Variants in AP3B1 observed in about 807,000 individuals in gnomAD.
The protein encoded by AP3B1 is AP-3 complex subunit beta-1.
A neutral mutation model predicts 132.5 loss-of-function variants in AP3B1; 61 were observed. The observed-to-expected ratio is 0.46, with a 90% confidence interval of 0.37 to 0.57. The LOEUF is 0.57. Ranked by LOEUF, AP3B1 falls within the 20% of genes least tolerant of loss-of-function variation. The pLI, the probability that AP3B1 is intolerant of heterozygous loss-of-function variation, is 0.00. For synonymous variants in AP3B1, 388 were observed against 438.3 expected (o/e 0.89, Z 1.43); for missense variants, 1,120 against 1,289.4 (o/e 0.87, Z 2.01).
intron 26 of AP3B1, among the ~76,000 whole-genome samples, chr5:78,014,979 C>T (rs79406196): frequency 0.034 from 5,170 of 152,234 alleles, 290 homozygotes; most frequent in African/African-American, 0.12. Flanking sequence ...GAAGCAGTCT[C>T]AGGGGATGGC....
chr5:78,063,586 T>C (rs560955589), intron 22 of AP3B1, among the ~76,000 whole-genome samples: 1 of 152,336 alleles, frequency 6.6e-6, no homozygotes, highest in Admixed American at 6.5e-5. Flanking sequence ...CTATGACACA[T>C]GGTAAATATT....
chr5:78,193,943 A>G (rs980179415), intron 7 of AP3B1, among the ~76,000 whole-genome samples: 2 of 150,796 alleles, frequency 1.3e-5, no homozygotes, highest in African/African-American at 4.9e-5. Flanking sequence ...AATTTTTTGT[A>G]TTTTTAGTAG....
chr5:78,165,679 T>A lies in AP3B1; in HGVS notation c.1168-7A>T. 1 of 1,579,574 alleles carries A rather than the reference T, an allele frequency of 6.3e-7. No individual in the cohort carries two copies. The highest frequency in any genetic ancestry group is 8.7e-7 in the Non-Finnish European group (1 of 1,150,876). On this transcript the variant is annotated splice_polypyrimidine_tract_variant and splice_region_variant and intron_variant, in intron 11 of 26. Coordinates refer to ENST00000255194, the MANE Select transcript of AP3B1 (RefSeq NM_003664.5). Reference sequence around the variant, plus strand: ...AGTTTGTCAAAATTTCAAGCTATAGTAGAGAAAAGAGAAAGTAAACATTTT... The same window carrying A: ...AGTTTGTCAAAATTTCAAGCTATAGAAGAGAAAAGAGAAAGTAAACATTTT...
chr5:78,122,731 T>C (rs1261775566), intron 17 of AP3B1, among the ~76,000 whole-genome samples: 3 of 152,228 alleles, frequency 2.0e-5, no homozygotes, highest in South Asian at 2.1e-4. Context: ...TCCATGCTCA[T>C]GGGTAGGAAG....
chr5:78,077,520 C>G (rs1369638401), intron 22 of AP3B1, among the ~76,000 whole-genome samples: 1 of 152,152 alleles, frequency 6.6e-6, no homozygotes, highest in Non-Finnish European at 1.5e-5. Flanking sequence ...GTTAAGGAAT[C>G]ATTACTACAA....
chr5:78,025,440 A>G (rs1463243837), intron 24 of AP3B1, among the ~76,000 whole-genome samples: 3 of 152,218 alleles, frequency 2.0e-5, no homozygotes, highest in Non-Finnish European at 2.9e-5. Flanking sequence ...TAGAGAGCCC[A>G]ACTGAAACAT....
At chr5:78,232,105 T>C (rs1746672423) in intron 3 of AP3B1, among the ~76,000 whole-genome samples, 2 of 152,202 alleles carry the variant, frequency 1.3e-5, no homozygotes, top group Non-Finnish European at 2.9e-5. Flanking sequence ...ATAAAGATAT[T>C]TCACGATAGG....
At chr5:78,086,554 T>C (rs530283408) in intron 22 of AP3B1, among the ~76,000 whole-genome samples, 124 of 152,314 alleles carry the variant, frequency 8.1e-4, no homozygotes, top group African/African-American at 2.9e-3. Context: ...CCTGTGGTTT[T>C]CACTGCTACA....
chr5:78,083,250 T>G (rs758591226), intron 22 of AP3B1, among the ~76,000 whole-genome samples: 14 of 152,166 alleles, frequency 9.2e-5, no homozygotes, highest in Non-Finnish European at 1.9e-4. Flanking sequence ...AAAGGATGAG[T>G]CAAGGTTTCA....
intron 20 of AP3B1, 121 bp downstream of exon 20, chr5:78,110,086 T>G: frequency 2.3e-6 from 2 of 884,008 alleles, no homozygotes; most frequent in Non-Finnish European, 3.5e-6. Context: ...CAGAGTTGGG[T>G]TATAAGGGAA....
chr5:78,069,950 A>T (rs1749464934), intron 22 of AP3B1, among the ~76,000 whole-genome samples: 1 of 152,298 alleles, frequency 6.6e-6, no homozygotes, highest in Middle Eastern at 3.4e-3. Flanking sequence ...AAGACCATAA[A>T]TCTACAACCA....
chr5:78,002,797 C>T lies in AP3B1; in HGVS notation c.*105G>A, dbSNP rs929044217. The T allele has an allele frequency of 9.4e-6, 12 of 1,277,148 alleles. No individual in the cohort carries two copies. In the African/African-American group the frequency reaches 1.6e-4, roughly 17 times the overall value. The allele number at this position is 1,277,148 out of a possible 1,614,324, so 79.1% of individuals were successfully genotyped here. A position where few individuals can be genotyped will look rare whatever the true frequency, so the allele number is the denominator to read the frequency against. ...CAAGAATGTCAAGAGTGTATTCTAC[C>T]CCCACTGCCAGATGGAAGGGCTATT... On this transcript the variant is annotated 3_prime_UTR_variant, in exon 27 of 27. Transcript: ENST00000255194.
At chr5:78,045,083 T>A (rs901938187) in intron 22 of AP3B1, among the ~76,000 whole-genome samples, 1 of 152,018 alleles carries the variant, frequency 6.6e-6, no homozygotes, top group African/African-American at 2.4e-5. Flanking sequence ...TACAGAAAGG[T>A]AGTAAATGAA....
At chr5:78,036,257 G>C (rs764247112) in intron 23 of AP3B1, among the ~76,000 whole-genome samples, 1 of 152,110 alleles carries the variant, frequency 6.6e-6, no homozygotes, top group Non-Finnish European at 1.5e-5. Flanking sequence ...GGAGCAAAAT[G>C]ATCAGCATAA....
chr5:78,017,088 A>T (rs1746890230), intron 25 of AP3B1, among the ~76,000 whole-genome samples: 1 of 152,070 alleles, frequency 6.6e-6, no homozygotes, highest in Admixed American at 6.6e-5. Context: ...GCACTCAGAG[A>T]AGTGAATGCA....
intron 20 of AP3B1, 60 bp from the exon 21 acceptor site, chr5:78,101,085 T>A: frequency 9.8e-7 from 1 of 1,018,668 alleles, no homozygotes; most frequent in South Asian, 1.5e-5. Flanking sequence ...TGTGGAGTAG[T>A]CCTTAATATT....
rs187605704 is a variant in AP3B1, at chr5:78,043,701, G to T, written c.2578-4427C>A. On this transcript the variant is annotated intron_variant, in intron 22 of 26. Transcript: ENST00000255194. ...ACTCCCAGGCATACTCTTCATCATT[G>T]TTGTGCTTTGTGATCACAACTACTT... The T allele has an allele frequency of 9.8e-4, 419 of 429,024 alleles. 1 individual carries two copies. The highest frequency in any genetic ancestry group is 3.1e-3 in the Admixed American group (114 of 37,192). 26.6% of individuals were successfully genotyped at this position (429,024 alleles called of 1,614,324 possible). A position where few individuals can be genotyped will look rare whatever the true frequency, so the allele number is the denominator to read the frequency against.
At chr5:78,055,016 GACACACACACACACAC>G (rs3050076) in intron 22 of AP3B1, among the ~76,000 whole-genome samples, 50 of 144,766 alleles carry the variant, frequency 3.5e-4, no homozygotes, top group Middle Eastern at 3.4e-3. Flanking sequence ...CAGACCTACA[GACACACACACACACAC>G]ACACACACAC....
At chr5:78,083,813 T>C (rs1206734798) in intron 22 of AP3B1, among the ~76,000 whole-genome samples, 3 of 152,180 alleles carry the variant, frequency 2.0e-5, no homozygotes, top group Non-Finnish European at 4.4e-5. Flanking sequence ...ATTAAAAGGA[T>C]AGGAACAAAT....
Sources: gnomAD v4.1 joint callset for allele counts (sites outside exome capture counted in the v4.1 genomes callset) on GRCh38, gnomAD v4.1.1 for gene constraint, MANE v1.5 for transcripts, NCBI Gene and HGNC (gene_info 2026-07-23, HGNC 2026-07-21) for gene names.